Variants in ZBTB16 observed in about 807,000 individuals in gnomAD.
ZBTB16 encodes zinc finger and BTB domain containing 16, also known as zinc finger and BTB domain-containing protein 16.
In ZBTB16, 8 loss-of-function variants were observed where a neutral mutation model predicts 56.8. The ratio of observed to expected loss-of-function variants is 0.14; its 90% CI spans 0.08 to 0.25. The LOEUF is 0.25. ZBTB16 is among the 10% of genes least tolerant of loss of function. The pLI, the probability that ZBTB16 is intolerant of heterozygous loss-of-function variation, is 1.00. For missense variants in ZBTB16, 625 were observed against 903.0 expected (o/e 0.69, Z 3.95); for synonymous variants, 363 against 368.5 (o/e 0.98, Z 0.17).
intron 2 of ZBTB16, among the ~76,000 whole-genome samples, chr11:114,085,737 G>A (rs1425834748): frequency 6.6e-6 from 1 of 152,128 alleles, no homozygotes; most frequent in Non-Finnish European, 1.5e-5. Flanking sequence ...CAGTGTATGG[G>A]TGGGGGCAGG....
intron 2 of ZBTB16, among the ~76,000 whole-genome samples, chr11:114,155,685 T>C (rs1458002130): frequency 6.6e-6 from 1 of 152,184 alleles, no homozygotes; most frequent in Non-Finnish European, 1.5e-5. Context: ...CTGCTTTCTG[T>C]TGGGGCAAGA....
intron 4 of ZBTB16, among the ~76,000 whole-genome samples, chr11:114,218,682 C>T (rs1009496328): frequency 1.3e-5 from 2 of 152,190 alleles, no homozygotes; most frequent in Non-Finnish European, 2.9e-5. Context: ...GAGATATTAA[C>T]TTCTGTCAAC....
At chr11:114,246,434 A>T (rs939810346) in intron 5 of ZBTB16, among the ~76,000 whole-genome samples, 8 of 151,912 alleles carry the variant, frequency 5.3e-5, no homozygotes, top group Admixed American at 1.3e-4. Flanking sequence ...ATCTTTCTTT[A>T]AGTTTGTTGC....
At chr11:114,120,403 C>T (rs1156718053) in intron 2 of ZBTB16, among the ~76,000 whole-genome samples, 2 of 152,204 alleles carry the variant, frequency 1.3e-5, no homozygotes, top group African/African-American at 2.4e-5. Flanking sequence ...CTGGCTCCCC[C>T]TGGCTTTGTT....
At chr11:114,190,184 G>A (rs945008288) in intron 4 of ZBTB16, among the ~76,000 whole-genome samples, 3 of 152,174 alleles carry the variant, frequency 2.0e-5, no homozygotes, top group South Asian at 2.1e-4. Context: ...AGCGACTGCC[G>A]ATGGAGCTGG....
chr11:114,250,664 A>C lies in ZBTB16; in HGVS notation c.*109A>C. On this transcript the variant is annotated 3_prime_UTR_variant, in exon 7 of 7. Coordinates refer to ENST00000335953, the MANE Select transcript of ZBTB16 (RefSeq NM_006006.6). The surrounding 1 kb of genome is among the most constrained non-coding windows in gnomAD (Gnocchi z 6.0). ...AAAAGGAAAAGAAAAAAAAAAACAG[A>C]AGGAAAAGGAAACCTGGTAGCTTTT... 9 of 1,238,528 alleles carry C rather than the reference A, an allele frequency of 7.3e-6. No homozygotes were observed. Among genetic ancestry groups the C allele is most frequent in the Non-Finnish European group, 1.0e-5 (9 of 889,452 alleles). 76.7% of individuals were successfully genotyped at this position (1,238,528 alleles called of 1,614,324 possible). A position where few individuals can be genotyped will look rare whatever the true frequency, so the allele number is the denominator to read the frequency against.
chr11:114,061,543 G>A (rs1157048611), intron 1 of ZBTB16: 2 of 152,292 alleles, frequency 1.3e-5, no homozygotes, highest in African/African-American at 4.8e-5. Context: ...AACTGATAGA[G>A]CTCCTTCTGG....
At chr11:114,235,625 C>CCTTCCTTCCTTTCTTT (rs1475848528) in intron 4 of ZBTB16, among the ~76,000 whole-genome samples, 3 of 68,414 alleles carry the variant, frequency 4.4e-5, no homozygotes, top group African/African-American at 1.9e-4. Flanking sequence ...TTTCCCTCTC[C>CCTTCCTTCCTTTCTTT]CTTCCTTTCT....
At chr11:114,142,470 T>G (rs1941978803) in intron 2 of ZBTB16, among the ~76,000 whole-genome samples, 1 of 152,198 alleles carries the variant, frequency 6.6e-6, no homozygotes. Context: ...GAACGGTGAT[T>G]TATAGGGCAG....
At chr11:114,129,613 C>G (rs1941608408) in intron 2 of ZBTB16, among the ~76,000 whole-genome samples, 2 of 152,328 alleles carry the variant, frequency 1.3e-5, no homozygotes, top group South Asian at 4.1e-4. Flanking sequence ...ATTTCCTGCT[C>G]AGAAATATTT....
intron 3 of ZBTB16, among the ~76,000 whole-genome samples, chr11:114,169,255 T>C (rs1426268380): frequency 6.6e-6 from 1 of 152,200 alleles, no homozygotes; most frequent in Non-Finnish European, 1.5e-5. Context: ...GGGCTATTAC[T>C]AGCGCCTTAG....
At position 114,148,332 on chromosome 11, in the gene ZBTB16, GCTGGCTTCCTTCCTTC is replaced by G. The variant is rs1247322701; in HGVS notation, c.1269-8002_1269-7987del. ...GCAGGATGCATAGGATGCATGGCTG[GCTGGCTTCCTTCCTTC>G]CTTCCTTCCTTCCTTCCTTCCTTCC... is the stretch of plus-strand genomic sequence containing the variant. On this transcript the variant is annotated intron_variant, in intron 2 of 6. Transcript: ENST00000335953. Among the ~76,000 whole-genome samples the G allele has an allele frequency of 5.8e-3, 547 of 93,674 alleles. 18 individuals are homozygous for G. The highest frequency in any genetic ancestry group is 0.019 in the African/African-American group (491 of 25,546). 61.5% of individuals were successfully genotyped at this position (93,674 alleles called of 152,430 possible). A position where few individuals can be genotyped will look rare whatever the true frequency, so the allele number is the denominator to read the frequency against.
intron 3 of ZBTB16, among the ~76,000 whole-genome samples, chr11:114,159,165 A>T (rs753800613): frequency 1.2e-4 from 19 of 152,200 alleles, no homozygotes; most frequent in Non-Finnish European, 2.5e-4. Context: ...TGACTGTGCA[A>T]CTGCCCTGCG....
intron 4 of ZBTB16, among the ~76,000 whole-genome samples, chr11:114,233,125 A>ACACACACACTCT (rs1443230792): frequency 3.7e-5 from 2 of 54,720 alleles, no homozygotes; most frequent in African/African-American, 1.0e-4. Context: ...ACACACACAC[A>ACACACACACTCT]CTCTCTCTCT....
intron 2 of ZBTB16, among the ~76,000 whole-genome samples, chr11:114,092,767 T>TC (rs1940240545): frequency 6.6e-6 from 1 of 152,134 alleles, no homozygotes; most frequent in African/African-American, 2.4e-5. Context: ...TGCACAGGGC[T>TC]CTCTCCTTTC....
At chr11:114,213,193 A>G (rs913522848) in intron 4 of ZBTB16, among the ~76,000 whole-genome samples, 3 of 152,048 alleles carry the variant, frequency 2.0e-5, no homozygotes, top group Non-Finnish European at 2.9e-5. Context: ...GCTTTTGGTG[A>G]CGTGAGGCCT....
intron 4 of ZBTB16, among the ~76,000 whole-genome samples, chr11:114,198,550 G>A (rs1221646570): frequency 4.6e-5 from 7 of 152,128 alleles, no homozygotes; most frequent in Non-Finnish European, 1.0e-4. Context: ...ACCTTCTGGA[G>A]GGGCCCCCGA....
At chr11:114,137,471 A>C (rs962390509) in intron 2 of ZBTB16, among the ~76,000 whole-genome samples, 5 of 152,208 alleles carry the variant, frequency 3.3e-5, no homozygotes, top group African/African-American at 1.2e-4. Flanking sequence ...GAACTTGGCC[A>C]CACACTGGTT....
chr11:114,245,584 G>A (rs904559599), intron 5 of ZBTB16, among the ~76,000 whole-genome samples: 1 of 152,142 alleles, frequency 6.6e-6, no homozygotes, highest in African/African-American at 2.4e-5. Context: ...CCCGAGGAGG[G>A]GAGAGACAGG....
Sources: gnomAD v4.1 joint callset for allele counts (sites outside exome capture counted in the v4.1 genomes callset) on GRCh38, gnomAD v4.1.1 for gene constraint, Gnocchi (gnomAD v3.1) non-coding constraint, MANE v1.5 for transcripts, NCBI Gene and HGNC (gene_info 2026-07-23, HGNC 2026-07-21) for gene names.